Variants in SYNPR observed in about 807,000 individuals in gnomAD.
SYNPR encodes the protein synaptoporin.
SYNPR carries 23 observed loss-of-function variants against 32.9 expected under a neutral mutation model. The observed-to-expected ratio is 0.70, with a 90% confidence interval of 0.50 to 0.99. SYNPR has a LOEUF of 0.99. Among genes scored for constraint, SYNPR ranks in the 50% least tolerant of loss-of-function variants. The pLI is 0.00. For synonymous variants in SYNPR, 146 were observed against 135.9 expected (o/e 1.07, Z -0.52); for missense variants, 318 against 349.3 (o/e 0.91, Z 0.71).
chr3:63,516,828 A>G (rs1701809736), intron 3 of SYNPR, among the ~76,000 whole-genome samples: 1 of 152,078 alleles, frequency 6.6e-6, no homozygotes, highest in Admixed American at 6.6e-5. Flanking sequence ...AAGTGTTAGG[A>G]AGCAACTTTT....
chr3:63,509,398 AC>A (rs1329360864), intron 3 of SYNPR, among the ~76,000 whole-genome samples: 17 of 151,692 alleles, frequency 1.1e-4, no homozygotes, highest in Non-Finnish European at 2.4e-4. Flanking sequence ...AGCCTGAAAA[AC>A]ATCTCATATC....
At chr3:63,345,786 A>G (rs1279102835) in intron 2 of SYNPR, among the ~76,000 whole-genome samples, 1 of 151,820 alleles carries the variant, frequency 6.6e-6, no homozygotes, top group Non-Finnish European at 1.5e-5. Flanking sequence ...CAATTTTGAA[A>G]TGTTGCTTTC....
At chr3:63,370,083 C>T (rs2087776802) in intron 2 of SYNPR, among the ~76,000 whole-genome samples, 1 of 152,172 alleles carries the variant, frequency 6.6e-6, no homozygotes, top group Non-Finnish European at 1.5e-5. Flanking sequence ...AGATAATCCA[C>T]ATTCTTTCTG....
At chr3:63,310,830 G>T (rs957746620) in intron 2 of SYNPR, among the ~76,000 whole-genome samples, 1 of 151,962 alleles carries the variant, frequency 6.6e-6, no homozygotes, top group African/African-American at 2.4e-5. Context: ...TTCCCAGAAA[G>T]AAATCAGAAA....
At chr3:63,552,641 G>C (rs1702522627) in intron 3 of SYNPR, among the ~76,000 whole-genome samples, 1 of 152,142 alleles carries the variant, frequency 6.6e-6, no homozygotes, top group East Asian at 1.9e-4. Context: ...ATGGGGCCCA[G>C]GAATATGCAT....
intron 2 of SYNPR, among the ~76,000 whole-genome samples, chr3:63,444,967 C>A (rs369664421): frequency 2.2e-4 from 31 of 143,656 alleles, no homozygotes; most frequent in Middle Eastern, 3.5e-3. Flanking sequence ...AAAAACAAAA[C>A]AAAACACAAA....
upstream of SYNPR, among the ~76,000 whole-genome samples, chr3:63,224,442 A>G (rs758708731): frequency 2.6e-5 from 4 of 152,230 alleles, no homozygotes; most frequent in Non-Finnish European, 4.4e-5. Flanking sequence ...GATAGAAGAC[A>G]TGACTAATTT....
chr3:63,545,993 C>T (rs973752243), intron 3 of SYNPR, among the ~76,000 whole-genome samples: 3 of 152,050 alleles, frequency 2.0e-5, no homozygotes, highest in African/African-American at 7.2e-5. Flanking sequence ...ACCGGACATT[C>T]AAACTTTTTA....
At chr3:63,565,869 C>A (rs1270418845) in intron 4 of SYNPR, among the ~76,000 whole-genome samples, 1 of 152,164 alleles carries the variant, frequency 6.6e-6, no homozygotes, top group Admixed American at 6.6e-5. Context: ...GGTCCAGGAA[C>A]CTCACTGCTA....
At chr3:63,528,075 T>A (rs945621934) in intron 3 of SYNPR, among the ~76,000 whole-genome samples, 21 of 152,122 alleles carry the variant, frequency 1.4e-4, no homozygotes, top group Non-Finnish European at 3.1e-4. Flanking sequence ...TTGAGAAAAA[T>A]CCCACTTGGA....
At chr3:63,293,552 TAG>T (rs1029023006) in intron 2 of SYNPR, among the ~76,000 whole-genome samples, 4 of 152,208 alleles carry the variant, frequency 2.6e-5, no homozygotes, top group African/African-American at 9.6e-5. Flanking sequence ...ATTAATTTGC[TAG>T]AGACTTACAA....
intron 2 of SYNPR, among the ~76,000 whole-genome samples, chr3:63,253,338 G>A (rs981268613): frequency 6.6e-6 from 1 of 152,006 alleles, no homozygotes; most frequent in Admixed American, 6.6e-5. Flanking sequence ...AGCTCTGAAG[G>A]AAACAATGTC....
chr3:63,302,039 A>C (rs2086863425), intron 2 of SYNPR, among the ~76,000 whole-genome samples: 1 of 152,102 alleles, frequency 6.6e-6, no homozygotes, highest in Non-Finnish European at 1.5e-5. Flanking sequence ...TGGACGTATG[A>C]ATAAATGAAT....
chr3:63,586,974 T>C (rs1454683668), intron 4 of SYNPR, among the ~76,000 whole-genome samples: 2 of 152,050 alleles, frequency 1.3e-5, no homozygotes, highest in Non-Finnish European at 2.9e-5. Flanking sequence ...ACTCCACCTA[T>C]ACCCTTAAAT....
chr3:63,385,811 T>C (rs895026692), intron 2 of SYNPR, among the ~76,000 whole-genome samples: 1 of 152,156 alleles, frequency 6.6e-6, no homozygotes, highest in Non-Finnish European at 1.5e-5. Context: ...CTTCTGATGA[T>C]GGGGGCTGTC....
At chr3:63,222,011 A>ATTTTTTTTTTATTTTTTTTTTTTTTTT in the SYNPR span, among the ~76,000 whole-genome samples, 1 of 56,406 alleles carries the variant, frequency 1.8e-5, no homozygotes, top group Non-Finnish European at 3.5e-5. Context: ...GCCATGCTCA[A>ATTTTTTTTTTATTTTTTTTTTTTTTTT]TTTTTTTTTT....
At chr3:63,329,131 C>T (rs2087197709) in intron 2 of SYNPR, among the ~76,000 whole-genome samples, 1 of 152,114 alleles carries the variant, frequency 6.6e-6, no homozygotes, top group African/African-American at 2.4e-5. Context: ...AAGAATTTGA[C>T]TATTCAGCAA....
At chr3:63,406,164 A>T (rs2107108510) in intron 2 of SYNPR, among the ~76,000 whole-genome samples, 1 of 152,116 alleles carries the variant, frequency 6.6e-6, no homozygotes, top group African/African-American at 2.4e-5. Flanking sequence ...AGATGAGGAT[A>T]ACATTCAAGT....
intron 2 of SYNPR, among the ~76,000 whole-genome samples, chr3:63,317,243 A>C (rs2087053028): frequency 6.6e-6 from 1 of 151,844 alleles, no homozygotes; most frequent in Admixed American, 6.6e-5. Context: ...TATATCTGTT[A>C]AGTACATTTA....
Sources: allele counts gnomAD v4.1 joint callset (sites outside exome capture counted in the v4.1 genomes callset), GRCh38; gene constraint gnomAD v4.1.1; transcripts MANE v1.5; gene names NCBI Gene and HGNC (gene_info 2026-07-23, HGNC 2026-07-21).